Variants in DLGAP3 observed in about 807,000 individuals in gnomAD.
DLGAP3 encodes the protein disks large-associated protein 3.
Under a neutral mutation model 81.2 loss-of-function variants are expected in DLGAP3, and 17 were observed. That is an observed-to-expected ratio of 0.21 (90% CI 0.14 to 0.31). The LOEUF (loss-of-function observed/expected upper bound fraction) is 0.31, where lower values mean the gene tolerates loss of function less well. DLGAP3 is among the 10% of genes least tolerant of loss of function. The pLI, the probability that DLGAP3 is intolerant of heterozygous loss-of-function variation, is 1.00. For synonymous variants in DLGAP3, 577 were observed against 587.4 expected (o/e 0.98, Z 0.26); for missense variants, 1,124 against 1,388.0 (o/e 0.81, Z 3.02).
chr1:34,910,622 G>A (rs1324242333), intron 1 of DLGAP3, among the ~76,000 whole-genome samples: 1 of 152,048 alleles, frequency 6.6e-6, no homozygotes, highest in Non-Finnish European at 1.5e-5. Flanking sequence ...CCCCCTGTTG[G>A]GAAAGCTTTT....
At chr1:34,910,413 T>G (rs1041580315) in intron 1 of DLGAP3, among the ~76,000 whole-genome samples, 3 of 152,344 alleles carry the variant, frequency 2.0e-5, no homozygotes, top group African/African-American at 7.2e-5. Context: ...TCTCATCATG[T>G]CACTTCTCTG....
chr1:34,867,581 CAGG>C lies in DLGAP3; in HGVS notation c.2529_2531del (p.Leu844del). On this transcript the variant is annotated inframe_deletion, in exon 10 of 12. Transcript: ENST00000373347. The surrounding 1 kb of genome is among the most constrained non-coding windows in gnomAD (Gnocchi z 4.3). The stretch of plus-strand genomic sequence containing the variant: ...GGAAGAACTGCTGAACCTTCTGGGA[CAGG>C]AGAAGTTGTGTGCTGCCCACAGCAC... 6.2e-7 allele frequency: 1 copy of C among 1,614,128 alleles called. No homozygotes were observed. Among genetic ancestry groups the C allele is most frequent in the Non-Finnish European group, 8.5e-7 (1 of 1,179,976 alleles).
intron 1 of DLGAP3, among the ~76,000 whole-genome samples, chr1:34,922,908 C>T (rs760910953): frequency 6.6e-6 from 1 of 152,118 alleles, no homozygotes. Context: ...GATATACCCA[C>T]TCCTGGACAC....
At chr1:34,870,102 G>C (rs1412581740) in intron 8 of DLGAP3, among the ~76,000 whole-genome samples, 1 of 152,198 alleles carries the variant, frequency 6.6e-6, no homozygotes, top group Non-Finnish European at 1.5e-5. Flanking sequence ...GCTGAATTAA[G>C]TTGTTTGCAG....
At chr1:34,886,478 A>G (rs1402668841) in intron 5 of DLGAP3, among the ~76,000 whole-genome samples, 193 bp from the exon 6 acceptor site, 11 of 152,108 alleles carry the variant, frequency 7.2e-5, no homozygotes. Flanking sequence ...TCTGCTCCCA[A>G]GGCTTGTCTT....
At chr1:34,911,031 C>T (rs976223431) in intron 1 of DLGAP3, among the ~76,000 whole-genome samples, 2 of 150,274 alleles carry the variant, frequency 1.3e-5, no homozygotes, top group Non-Finnish European at 3.0e-5. Flanking sequence ...CACCCCCCCC[C>T]CACCACCTTC....
At chr1:34,896,829 G>A (rs1169241286) in intron 5 of DLGAP3, among the ~76,000 whole-genome samples, 1 of 152,106 alleles carries the variant, frequency 6.6e-6, no homozygotes, top group Non-Finnish European at 1.5e-5. Flanking sequence ...GAGCAGGAAA[G>A]CACCAGTCCA....
rs1480809628 is a variant in DLGAP3, at chr1:34,867,165, G to C, written c.2604C>G (p.Thr868=). ...CCCAGAAACCCGCCAGGTCCTGGAA[G>C]GTGGGCACAGGGAACGCAGTGGGAT... ...SMDPTAFPVP[T]FQDLAGFWDL... Residue 868 remains threonine (T), a synonymous_variant, in exon 11 of 12, where the codon ACC becomes ACG. Coordinates refer to ENST00000373347, the MANE Select transcript of DLGAP3 (RefSeq NM_001080418.3). This position sits in a 1 kb window ranked among gnomAD's most constrained non-coding sequence, Gnocchi z 4.3. 1 of 1,614,112 alleles carries C rather than the reference G, an allele frequency of 6.2e-7. No homozygotes were observed. The highest frequency in any genetic ancestry group is 8.5e-7 in the Non-Finnish European group (1 of 1,180,038).
At position 34,902,489 on chromosome 1, in the gene DLGAP3, C is replaced by T. The variant is rs76065519; in HGVS notation, c.1107+1788G>A. Among the ~76,000 whole-genome samples the T allele has an allele frequency of 3.3e-4, 50 of 152,170 alleles. No homozygotes were observed. In the East Asian group the frequency reaches 5.8e-3, roughly 18 times the overall value. ...AGAAACAGGGCTTTGACAATCAGAT[C>T]GGGAGTCCAGCAAAGACACCTGGCC... is the stretch of plus-strand genomic sequence containing the variant. On this transcript the variant is annotated intron_variant, in intron 3 of 11. Coordinates refer to ENST00000373347, the MANE Select transcript of DLGAP3 (RefSeq NM_001080418.3). This position sits in a 1 kb window ranked among gnomAD's most constrained non-coding sequence, Gnocchi z 4.4.
At chr1:34,869,719 A>T (rs1401535348) in intron 8 of DLGAP3, among the ~76,000 whole-genome samples, 1 of 151,746 alleles carries the variant, frequency 6.6e-6, no homozygotes, top group Non-Finnish European at 1.5e-5. Context: ...CAGGTTATCC[A>T]CCCGCCTTGG....
At chr1:34,866,911 C>G (rs1638891303) in intron 11 of DLGAP3, 137 bp downstream of exon 11, 10 of 1,000,740 alleles carry the variant, frequency 1.0e-5, no homozygotes, top group Admixed American at 6.8e-5. Flanking sequence ...GGGATGGTCA[C>G]CTATCACCTG....
chr1:34,889,177 G>A (rs548018599), intron 5 of DLGAP3, among the ~76,000 whole-genome samples: 2 of 152,130 alleles, frequency 1.3e-5, no homozygotes, highest in Non-Finnish European at 2.9e-5. Context: ...TTTCCCTGGG[G>A]TTCTGCAGCT....
chr1:34,885,154 C>A, intron 7 of DLGAP3, 91 bp from the exon 8 acceptor site: 1 of 1,264,248 alleles, frequency 7.9e-7, no homozygotes, highest in African/African-American at 1.5e-5. Flanking sequence ...GCGCCCCAAG[C>A]CAGCTGGCAG....
chr1:34,868,708 G>A lies in DLGAP3; in HGVS notation c.2382C>T (p.Asp794=), dbSNP rs150088046. The A allele has an allele frequency of 1.6e-4, 250 of 1,611,174 alleles. 1 individual carries two copies. The highest frequency in any genetic ancestry group is 8.7e-4 in the East Asian group (39 of 44,878). Residue 794 remains aspartate, a synonymous_variant, in exon 9 of 12, where the codon GAC becomes GAT. Coordinates refer to ENST00000373347, the MANE Select transcript of DLGAP3 (RefSeq NM_001080418.3). The surrounding 1 kb of genome is among the most constrained non-coding windows in gnomAD (Gnocchi z 7.5). ...GCAGCATCTTGATGAACCACTCGCCGTCGCGTGGGCAGGGGGATGCGCGGC... is the reference window on the plus strand; with the variant it reads ...GCAGCATCTTGATGAACCACTCGCCATCGCGTGGGCAGGGGGATGCGCGGC... ...DSGRASPCPR[D]GEWFIKMLRA...
rs949947088 is a variant in DLGAP3 at position 34,885,800 on chromosome 1, G to C, written c.1601-9C>G. On this transcript the variant is annotated splice_polypyrimidine_tract_variant and intron_variant, in intron 6 of 11. Transcript: ENST00000373347. ...CTTTCTGAAGTTGAAGGCTGTGGCC[G>C]GCGAGCGCAGAGACGCAGTGGGTGA... 4.3e-6 allele frequency: 6 copies of C among 1,404,358 alleles called. No individual in the cohort carries two copies. Among genetic ancestry groups the C allele is most frequent in the Admixed American group, 3.1e-5 (1 of 31,996 alleles). The allele number at this position is 1,404,358 out of a possible 1,614,324, so 87.0% of individuals were successfully genotyped here.
At chr1:34,917,094 A>C (rs998118135) in intron 1 of DLGAP3, among the ~76,000 whole-genome samples, 1 of 152,144 alleles carries the variant, frequency 6.6e-6, no homozygotes, top group Admixed American at 6.5e-5. Context: ...ACTCAGCCTC[A>C]GGAAACCTTC....
At chr1:34,890,916 C>G (rs185230415) in intron 5 of DLGAP3, among the ~76,000 whole-genome samples, 13 of 152,310 alleles carry the variant, frequency 8.5e-5, no homozygotes, top group Non-Finnish European at 1.9e-4. Flanking sequence ...CAAATTGTGA[C>G]ATAAACAAAA....
At chr1:34,899,789 G>T in intron 4 of DLGAP3, 48 bp from the exon 5 acceptor site, 3 of 1,563,152 alleles carry the variant, frequency 1.9e-6, no homozygotes, top group Non-Finnish European at 8.8e-7. Flanking sequence ...CTGCTAGGAG[G>T]TGGGGGAGGG....
chr1:34,868,153 C>G lies in DLGAP3; in HGVS notation c.2485+452G>C, dbSNP rs1172919511. On this transcript the variant is annotated intron_variant, in intron 9 of 11. Transcript: ENST00000373347. The surrounding 1 kb of genome is among the most constrained non-coding windows in gnomAD (Gnocchi z 7.5). Reference sequence around the variant, plus strand: ...TTACAGGAAGGGCCATGCTCTCCCTCGGGCCAGGGCCACATCTCCCTGGCT... The same window carrying G: ...TTACAGGAAGGGCCATGCTCTCCCTGGGGCCAGGGCCACATCTCCCTGGCT... Among the ~76,000 whole-genome samples, 1 of 152,176 alleles carries G rather than the reference C, an allele frequency of 6.6e-6. No individual in the cohort carries two copies. The highest frequency in any genetic ancestry group is 1.5e-5 in the Non-Finnish European group (1 of 68,032).
Sources: allele counts gnomAD v4.1 joint callset (sites outside exome capture counted in the v4.1 genomes callset), GRCh38; gene constraint gnomAD v4.1.1; non-coding constraint Gnocchi (gnomAD v3.1); transcripts MANE v1.5; gene names NCBI Gene and HGNC (gene_info 2026-07-23, HGNC 2026-07-21).